FBXO4: variants seen among roughly 807,000 people sequenced by gnomAD.
The protein encoded by FBXO4 is F-box protein 4.
In FBXO4, 36 loss-of-function variants were observed where a neutral mutation model predicts 43.7. The ratio of observed to expected loss-of-function variants is 0.82; its 90% CI spans 0.63 to 1.09. The LOEUF (loss-of-function observed/expected upper bound fraction) is 1.09, where lower values mean the gene tolerates loss of function less well. FBXO4 is among the 50% of genes least tolerant of loss of function. The pLI, the probability that FBXO4 is intolerant of heterozygous loss-of-function variation, is 0.00. For missense variants in FBXO4, 435 were observed against 474.1 expected (o/e 0.92, Z 0.77); for synonymous variants, 180 against 165.6 (o/e 1.09, Z -0.67).
intron 3 of FBXO4, among the ~76,000 whole-genome samples, chr5:41,932,638 C>T (rs141658758): frequency 6.6e-5 from 10 of 152,146 alleles, no homozygotes; most frequent in Non-Finnish European, 1.3e-4. Flanking sequence ...AATTAGATAC[C>T]ATTATTAAAA....
chr5:41,978,980 GT>G, the FBXO4 span, among the ~76,000 whole-genome samples: 44 of 150,434 alleles, frequency 2.9e-4, 1 homozygote, highest in South Asian at 9.3e-3. Context: ...AGCAATTTTT[GT>G]TTTTTTTTGT....
At chr5:41,949,532 G>A in the FBXO4 span, among the ~76,000 whole-genome samples, 1 of 152,134 alleles carries the variant, frequency 6.6e-6, no homozygotes, top group Non-Finnish European at 1.5e-5. Flanking sequence ...TCTTCAAGGA[G>A]AACTACAAAC....
intron 3 of FBXO4, 56 bp downstream of exon 3, chr5:41,929,973 T>C (rs1230146084): frequency 6.8e-6 from 9 of 1,326,326 alleles, no homozygotes; most frequent in Non-Finnish European, 9.4e-6. Context: ...GACATTCTTG[T>C]TAAAAAGAAA....
chr5:41,945,640 A>T (rs1361578710), downstream of FBXO4, among the ~76,000 whole-genome samples: 1 of 152,226 alleles, frequency 6.6e-6, no homozygotes, highest in African/African-American at 2.4e-5. Flanking sequence ...GCCGACGTTC[A>T]TAGCTCTGGG....
chr5:41,946,923 A>C, the FBXO4 span, among the ~76,000 whole-genome samples: 1 of 152,216 alleles, frequency 6.6e-6, no homozygotes, highest in Admixed American at 6.5e-5. Context: ...ATGCACCCAT[A>C]ATTTCAATCC....
intron 3 of FBXO4, among the ~76,000 whole-genome samples, chr5:41,930,890 T>C (rs888520581): frequency 6.6e-6 from 1 of 152,156 alleles, no homozygotes; most frequent in Non-Finnish European, 1.5e-5. Flanking sequence ...TCTCATGACC[T>C]CGTGATCCGC....
At chr5:41,967,055 A>T in the FBXO4 span, 19 of 253,816 alleles carry the variant, frequency 7.5e-5, no homozygotes, top group Admixed American at 5.0e-4. Flanking sequence ...TGGAAAAAAT[A>T]AAAAAAAATC....
the FBXO4 span, among the ~76,000 whole-genome samples, chr5:41,964,460 C>G: frequency 6.6e-6 from 1 of 151,848 alleles, no homozygotes; most frequent in Admixed American, 6.6e-5. Flanking sequence ...TCAATATTAA[C>G]TCAAACTCTT....
At chr5:42,009,062 A>C in the FBXO4 span, among the ~76,000 whole-genome samples, 2 of 152,174 alleles carry the variant, frequency 1.3e-5, no homozygotes, top group Non-Finnish European at 2.9e-5. Context: ...CATTCCCGCT[A>C]GACTTTCAAT....
At chr5:41,976,467 T>C in the FBXO4 span, among the ~76,000 whole-genome samples, 1 of 152,178 alleles carries the variant, frequency 6.6e-6, no homozygotes, top group Non-Finnish European at 1.5e-5. Flanking sequence ...TGGGTAAACA[T>C]TTCCATTCCA....
chr5:41,971,283 G>A, the FBXO4 span, among the ~76,000 whole-genome samples: 3 of 151,552 alleles, frequency 2.0e-5, no homozygotes, highest in Non-Finnish European at 4.4e-5. Context: ...TTAAGGTGAT[G>A]AGCATTGGTG....
At chr5:41,938,948 C>G (rs540886887) in intron 5 of FBXO4, among the ~76,000 whole-genome samples, 2 of 152,306 alleles carry the variant, frequency 1.3e-5, no homozygotes, top group African/African-American at 4.8e-5. Context: ...ATTAGTCAGG[C>G]TCAATGAAGA....
At chr5:42,009,846 A>G in the FBXO4 span, among the ~76,000 whole-genome samples, 1 of 152,206 alleles carries the variant, frequency 6.6e-6, no homozygotes, top group Non-Finnish European at 1.5e-5. Context: ...GTTGTTATGC[A>G]ATTATTACCA....
the FBXO4 span, among the ~76,000 whole-genome samples, chr5:41,965,481 G>C: frequency 2.0e-5 from 3 of 152,148 alleles, no homozygotes; most frequent in Non-Finnish European, 4.4e-5. Context: ...GGGCAGTATG[G>C]CCACTTTAAC....
At chr5:42,004,116 A>G in the FBXO4 span, among the ~76,000 whole-genome samples, 8 of 152,162 alleles carry the variant, frequency 5.3e-5, no homozygotes, top group East Asian at 1.9e-4. Flanking sequence ...TGAGCAAACT[A>G]TCACAAGGTT....
chr5:42,008,463 A>T, the FBXO4 span, among the ~76,000 whole-genome samples: 1 of 152,044 alleles, frequency 6.6e-6, no homozygotes, highest in African/African-American at 2.4e-5. Context: ...TGCACCATGG[A>T]TCCTTGTCCG....
chr5:42,040,211 T>C, the FBXO4 span, among the ~76,000 whole-genome samples: 2 of 152,078 alleles, frequency 1.3e-5, no homozygotes, highest in African/African-American at 4.8e-5. Flanking sequence ...TTGTTTTTCT[T>C]CATAGCCCAT....
the FBXO4 span, among the ~76,000 whole-genome samples, chr5:42,035,009 T>C: frequency 6.6e-6 from 1 of 152,008 alleles, no homozygotes; most frequent in Admixed American, 6.6e-5. Context: ...TTCCATTTGT[T>C]TGTGTCCTCT....
chr5:41,969,638 T>C, the FBXO4 span, among the ~76,000 whole-genome samples: 1 of 152,242 alleles, frequency 6.6e-6, no homozygotes, highest in Non-Finnish European at 1.5e-5. Flanking sequence ...TTTTGATTAC[T>C]GTAAACAATG....
Sources: allele counts gnomAD v4.1 joint callset (sites outside exome capture counted in the v4.1 genomes callset), GRCh38; gene constraint gnomAD v4.1.1; transcripts MANE v1.5; gene names NCBI Gene and HGNC (gene_info 2026-07-23, HGNC 2026-07-21).